CAPRIN2: variants seen among roughly 807,000 people sequenced by gnomAD.
CAPRIN2 encodes the protein caprin family member 2, also known as caprin-2.
CAPRIN2 carries 66 observed loss-of-function variants against 130.4 expected under a neutral mutation model. The ratio of observed to expected loss-of-function variants is 0.51; its 90% CI spans 0.42 to 0.62. CAPRIN2 has a LOEUF of 0.62. CAPRIN2 is among the 20% of genes least tolerant of loss of function. The probability of loss-of-function intolerance (pLI) is 0.00; values close to 1 mark genes in which losing one functional copy is unlikely to be tolerated. For missense variants in CAPRIN2, 1,185 were observed against 1,246.6 expected, an observed-to-expected ratio of 0.95 and a Z score of 0.74; for synonymous variants, 471 against 444.1, an observed-to-expected ratio of 1.06 and a Z score of -0.76.
At chr12:30,749,206 T>C (rs2072389796) in intron 2 of CAPRIN2, among the ~76,000 whole-genome samples, 2 of 152,010 alleles carry the variant, frequency 1.3e-5, no homozygotes, top group African/African-American at 4.8e-5. Context: ...GCAAGGAGGC[T>C]AGGGTAGCTA....
chr12:30,729,080 C>T lies in CAPRIN2; in HGVS notation c.1350G>A (p.Arg450=), dbSNP rs1278661698. The T allele has an allele frequency of 8.7e-6, 14 of 1,614,012 alleles. No individual in the cohort carries two copies. The Admixed American group carries it at 2.3e-4, about 27-fold the overall frequency. The stretch of plus-strand genomic sequence containing the variant: ...TCTTCTGCTCTTCCGGCAGAGTAGA[C>T]CTGAGTTTTGAGGTGTCTTGTTTCC... The change falls in exon 8 of 17, where the codon AGG becomes AGA. Residue 450 remains arginine, a synonymous_variant. Transcript: ENST00000298892.
chr12:30,724,938 G>A (rs1192168545), intron 9 of CAPRIN2, among the ~76,000 whole-genome samples: 4 of 152,182 alleles, frequency 2.6e-5, no homozygotes, highest in African/African-American at 4.8e-5. Flanking sequence ...AGGCTGCAGT[G>A]AGCTTTGACC....
chr12:30,740,497 GA>G (rs754476413), intron 3 of CAPRIN2, among the ~76,000 whole-genome samples: 5 of 152,092 alleles, frequency 3.3e-5, no homozygotes, highest in Non-Finnish European at 7.4e-5. Context: ...ATTTGTCAGA[GA>G]TAAAATTTTG....
At chr12:30,749,985 T>C (rs1056209985) in intron 2 of CAPRIN2, among the ~76,000 whole-genome samples, 1 of 152,092 alleles carries the variant, frequency 6.6e-6, no homozygotes, top group African/African-American at 2.4e-5. Context: ...TTCTTAAAAA[T>C]AAGGAACACA....
exon 1 of CAPRIN2, chr12:30,753,452 C>G (rs1409733298): frequency 1.2e-6 from 2 of 1,614,132 alleles, no homozygotes; most frequent in Admixed American, 1.7e-5. Context: ...GAGTAGACTG[C>G]AGGGGGCTCA....
At chr12:30,739,411 G>A (rs530068680) in intron 3 of CAPRIN2, among the ~76,000 whole-genome samples, 4 of 152,132 alleles carry the variant, frequency 2.6e-5, no homozygotes, top group Non-Finnish European at 5.9e-5. Flanking sequence ...TGAGGGTGGA[G>A]GTAAGAGGAG....
intron 13 of CAPRIN2, 23 bp from the exon 16 acceptor site, chr12:30,715,164 G>A (rs2057050704): frequency 1.9e-6 from 3 of 1,603,354 alleles, no homozygotes; most frequent in African/African-American, 2.7e-5. Flanking sequence ...AACGATTTTA[G>A]GGTCCAAGAG....
intron 15 of CAPRIN2, among the ~76,000 whole-genome samples, chr12:30,712,477 G>A (rs1240240879): frequency 6.6e-6 from 1 of 152,132 alleles, no homozygotes; most frequent in African/African-American, 2.4e-5. Flanking sequence ...TACATTCCCT[G>A]AGGATCACAT....
intron 2 of CAPRIN2, among the ~76,000 whole-genome samples, chr12:30,742,500 A>G (rs1187009211): frequency 6.6e-6 from 1 of 152,156 alleles, no homozygotes; most frequent in East Asian, 1.9e-4. Flanking sequence ...AGTGACAAAA[A>G]AAAACCCCAA....
In CAPRIN2 at chr12:30,725,620, T is replaced by A. The variant is rs2060677761; in HGVS notation, c.1905+346A>T. ...CAATGAATGTCTCATTTTCTGTATCTGTACTACAATGGTATCTAACAATAT... is the reference window on the plus strand; with the variant it reads ...CAATGAATGTCTCATTTTCTGTATCAGTACTACAATGGTATCTAACAATAT... On this transcript the variant is annotated intron_variant, in intron 9 of 16. Transcript: ENST00000298892. Among the ~76,000 whole-genome samples the A allele has an allele frequency of 2.0e-5, 3 of 152,354 alleles. No individual in the cohort carries two copies. The South Asian group carries it at 6.2e-4, about 32-fold the overall frequency.
intron 3 of CAPRIN2, among the ~76,000 whole-genome samples, chr12:30,738,470 G>A (rs902964265): frequency 6.6e-6 from 1 of 152,050 alleles, no homozygotes. Flanking sequence ...GATAACCTAG[G>A]AAATACCATT....
intron 12 of CAPRIN2, among the ~76,000 whole-genome samples, chr12:30,718,595 T>C (rs2136841988): frequency 6.6e-6 from 1 of 152,286 alleles, no homozygotes; most frequent in Admixed American, 6.5e-5. Context: ...AATACGTAAT[T>C]CAAAACACCA....
chr12:30,726,660 C>T (rs972961998), intron 8 of CAPRIN2, among the ~76,000 whole-genome samples: 1 of 152,002 alleles, frequency 6.6e-6, no homozygotes, highest in Non-Finnish European at 1.5e-5. Flanking sequence ...GACCAATTTA[C>T]AGTTACTTTT....
chr12:30,754,828 G>A (rs995362943), upstream of CAPRIN2: 2 of 151,802 alleles, frequency 1.3e-5, no homozygotes, highest in African/African-American at 4.8e-5. Context: ...GAGCGCTGCG[G>A]AGGTGGACCG....
chr12:30,716,863 G>C (rs983377992), intron 12 of CAPRIN2, among the ~76,000 whole-genome samples, 187 bp from the exon 15 acceptor site: 1 of 152,156 alleles, frequency 6.6e-6, no homozygotes, highest in African/African-American at 2.4e-5. Context: ...TTAGTCATTA[G>C]GGAAATGTAA....
chr12:30,738,584 A>G (rs1169352494), intron 3 of CAPRIN2, among the ~76,000 whole-genome samples: 1 of 152,216 alleles, frequency 6.6e-6, no homozygotes, highest in East Asian at 1.9e-4. Flanking sequence ...AAGGGCTTTT[A>G]TGCAGCAAAA....
exon 1 of CAPRIN2, chr12:30,753,537 T>C (rs761968681): frequency 1.9e-6 from 3 of 1,614,084 alleles, no homozygotes; most frequent in Admixed American, 3.3e-5. Flanking sequence ...CTCTCTTTCC[T>C]CCTCTGAATG....
chr12:30,749,716 C>T (rs939183185), intron 2 of CAPRIN2, among the ~76,000 whole-genome samples: 2 of 152,062 alleles, frequency 1.3e-5, no homozygotes, highest in Non-Finnish European at 1.5e-5. Context: ...TATGAAGTGT[C>T]GGATAGGCAA....
intron 7 of CAPRIN2, among the ~76,000 whole-genome samples, chr12:30,729,822 G>T (rs1460295507): frequency 6.6e-6 from 1 of 152,140 alleles, no homozygotes; most frequent in Non-Finnish European, 1.5e-5. Context: ...AGCTTCCCAT[G>T]AATTTCAATG....
Sources: allele counts gnomAD v4.1 joint callset (sites outside exome capture counted in the v4.1 genomes callset), GRCh38; gene constraint gnomAD v4.1.1; transcripts MANE v1.5; gene names NCBI Gene and HGNC (gene_info 2026-07-23, HGNC 2026-07-21).